Variants in SLC26A5 observed in about 807,000 individuals in gnomAD.
SLC26A5 encodes the protein prestin.
SLC26A5 carries 51 observed loss-of-function variants against 81.0 expected under a neutral mutation model. The ratio of observed to expected loss-of-function variants is 0.63; its 90% CI spans 0.50 to 0.80. The LOEUF (loss-of-function observed/expected upper bound fraction) is 0.80, where lower values mean the gene tolerates loss of function less well. Ranked by LOEUF, SLC26A5 falls within the 30% of genes least tolerant of loss-of-function variation. The pLI is 0.00. For synonymous variants in SLC26A5, 325 were observed against 332.8 expected (o/e 0.98, Z 0.25); for missense variants, 771 against 905.8 (o/e 0.85, Z 1.91).
At chr7:103,372,890 A>AAC (rs1554577211), downstream of SLC26A5, among the ~76,000 whole-genome samples, 69 of 151,872 alleles carry the variant, frequency 4.5e-4, no homozygotes, top group African/African-American at 1.6e-3. Context: ...AAAAAAAAAA[A>AAC]AAAACACTAA....
rs1681647874 is a variant in SLC26A5, at chr7:103,443,070, G to T, written c.-54+13C>A. 1 of 152,210 alleles carries T rather than the reference G, an allele frequency of 6.6e-6. No individual in the cohort carries two copies. The highest frequency in any genetic ancestry group is 6.5e-5 in the Admixed American group (1 of 15,278). 9.4% of individuals were successfully genotyped at this position (152,210 alleles called of 1,614,324 possible). ...CTCTCCTATTTACTAGTTCCAGGGG[G>T]CCGTCTACTTACCCAGATCCAATGT... On this transcript the variant is annotated intron_variant, in intron 2 of 19. Coordinates refer to ENST00000306312, the MANE Select transcript of SLC26A5 (RefSeq NM_198999.3).
At chr7:103,419,460 T>G (rs1825167825) in intron 4 of SLC26A5, among the ~76,000 whole-genome samples, 3 of 152,116 alleles carry the variant, frequency 2.0e-5, no homozygotes, top group Admixed American at 2.0e-4. Context: ...TCACACATGC[T>G]ATTCCTTCTG....
intron 19 of SLC26A5, chr7:103,364,377 G>A: frequency 6.5e-7 from 1 of 1,550,074 alleles, no homozygotes; most frequent in Non-Finnish European, 8.8e-7. Flanking sequence ...ATTAAAAATG[G>A]CACTTCTGCA....
At position 103,405,655 on chromosome 7, in the gene SLC26A5, C is replaced by T. The variant is rs767290693; in HGVS notation, c.888+2196G>A. ...GGAGGTGTCTCCCAGTCAGGAGTTA[C>T]GGGGGTCCCACTTGAGAAGGCAGTC... On this transcript the variant is annotated intron_variant, in intron 8 of 19. Transcript: ENST00000306312. Among the ~76,000 whole-genome samples, 11 of 152,224 alleles carry T rather than the reference C, an allele frequency of 7.2e-5. No homozygotes were observed. The East Asian group carries it at 7.7e-4, about 11-fold the overall frequency.
Position 103,377,459 on chromosome 7 carries a change from T to C in SLC26A5, c.1986+140A>G, listed in dbSNP as rs1290092717. The C allele has an allele frequency of 3.9e-6, 3 of 761,280 alleles. No homozygotes were observed. In the African/African-American group the frequency reaches 5.2e-5, roughly 13 times the overall value. 47.2% of individuals were successfully genotyped at this position (761,280 alleles called of 1,614,324 possible). On this transcript the variant is annotated intron_variant, in intron 18 of 19. Coordinates refer to ENST00000306312, the MANE Select transcript of SLC26A5 (RefSeq NM_198999.3). ...TTCAATATACTAAAATCTTTACTTC[T>C]ATATATTTTTGAAATTTTCCATAAT... is the stretch of plus-strand genomic sequence containing the variant.
intron 2 of SLC26A5, among the ~76,000 whole-genome samples, chr7:103,422,843 G>A (rs1387908978): frequency 1.3e-5 from 2 of 152,140 alleles, no homozygotes; most frequent in Non-Finnish European, 2.9e-5. Flanking sequence ...GCAGGCAGAG[G>A]TTAACATGAA....
Position 103,407,842 on chromosome 7 carries a change from G to A in SLC26A5, c.888+9C>T, listed in dbSNP as rs201613858. The A allele has an allele frequency of 2.5e-6, 4 of 1,613,958 alleles. No individual in the cohort carries two copies. The highest frequency in any genetic ancestry group is 3.4e-6 in the Non-Finnish European group (4 of 1,179,922). On this transcript the variant is annotated intron_variant, in intron 8 of 19. Transcript: ENST00000306312. ...AAGCCGAGTAGGTCACTGACCGAAG[G>A]TGACTTACCGCAAAGAACTCTAAAG...
At chr7:103,431,261 C>T (rs766434983) in intron 2 of SLC26A5, among the ~76,000 whole-genome samples, 18 of 151,996 alleles carry the variant, frequency 1.2e-4, no homozygotes, top group African/African-American at 4.4e-4. Context: ...AAAAGCAATA[C>T]TTTTCCATCC....
At position 103,415,469 on chromosome 7, in the gene SLC26A5, A is replaced by C. The variant is rs141396632; in HGVS notation, c.293-2357T>G. Among the ~76,000 whole-genome samples, 7 of 152,252 alleles carry C rather than the reference A, an allele frequency of 4.6e-5. No individual in the cohort carries two copies. In the East Asian group the frequency reaches 1.2e-3, roughly 25 times the overall value. ...GAGACATTTGGGGATGTCTGGAGAC[A>C]TTTTTGATTATCATGATGTGGGTAC... On this transcript the variant is annotated intron_variant, in intron 4 of 19. Coordinates refer to ENST00000306312, the MANE Select transcript of SLC26A5 (RefSeq NM_198999.3).
In SLC26A5 at chr7:103,374,341, G is replaced by A. The variant is rs934253304; in HGVS notation, c.*58C>T. The stretch of plus-strand genomic sequence containing the variant: ...AAATCTAGCGTCTAGTATTTAAAAC[G>A]TGTAAATTATGAACTTCATGAGAGG... On this transcript the variant is annotated 3_prime_UTR_variant, in exon 20 of 20. Transcript: ENST00000306312. The A allele has an allele frequency of 9.3e-6, 15 of 1,604,814 alleles. No individual in the cohort carries two copies. Among genetic ancestry groups the A allele is most frequent in the Middle Eastern group, 2.3e-4 (1 of 4,418 alleles).
At chr7:103,360,971 G>A (rs930012230) in intron 19 of SLC26A5, among the ~76,000 whole-genome samples, 2 of 151,946 alleles carry the variant, frequency 1.3e-5, no homozygotes, top group Admixed American at 1.3e-4. Context: ...ACAATTAGCC[G>A]GGCGTGCTGG....
At chr7:103,408,676 A>G (rs1824252846) in intron 7 of SLC26A5, among the ~76,000 whole-genome samples, 1 of 152,230 alleles carries the variant, frequency 6.6e-6, no homozygotes, top group African/African-American at 2.4e-5. Flanking sequence ...AGGTAAATAC[A>G]TTGAAAAGCT....
intron 2 of SLC26A5, among the ~76,000 whole-genome samples, chr7:103,427,983 G>A (rs1287272092): frequency 2.6e-5 from 4 of 151,912 alleles, no homozygotes; most frequent in African/African-American, 7.3e-5. Flanking sequence ...TTCCCAAGTA[G>A]CTGGGATTAC....
chr7:103,376,756 G>A (rs1263745181), intron 19 of SLC26A5, 52 bp downstream of exon 19: 12 of 1,232,394 alleles, frequency 9.7e-6, no homozygotes, highest in African/African-American at 1.5e-5. Flanking sequence ...ATTTAAATAA[G>A]AGAAACAAAA....
chr7:103,438,942 C>T (rs1826666183), intron 2 of SLC26A5, among the ~76,000 whole-genome samples: 2 of 152,114 alleles, frequency 1.3e-5, no homozygotes, highest in Admixed American at 1.3e-4. Flanking sequence ...GAAACCAATC[C>T]ACATTTTCAT....
chr7:103,419,915 T>C (rs1825206706), intron 4 of SLC26A5, among the ~76,000 whole-genome samples: 1 of 152,176 alleles, frequency 6.6e-6, no homozygotes, highest in South Asian at 2.1e-4. Flanking sequence ...AATTTTTATA[T>C]GTGCTTTTTT....
chr7:103,386,773 CT>C (rs906913777), intron 14 of SLC26A5, among the ~76,000 whole-genome samples: 3 of 150,038 alleles, frequency 2.0e-5, no homozygotes, highest in African/African-American at 4.9e-5. Flanking sequence ...TTTTCTTTTT[CT>C]TTTTTTTGAG....
At chr7:103,408,370 G>A (rs1032728963) in intron 7 of SLC26A5, among the ~76,000 whole-genome samples, 38 of 152,046 alleles carry the variant, frequency 2.5e-4, no homozygotes, top group Admixed American at 7.9e-4. Context: ...GGGATTACAG[G>A]TGCCTGCCGC....
intron 4 of SLC26A5, 23 bp from the exon 5 acceptor site, chr7:103,413,135 G>A: frequency 6.9e-7 from 1 of 1,446,184 alleles, no homozygotes; most frequent in Non-Finnish European, 9.7e-7. Context: ...AAACCAAACA[G>A]AAATGGGGGA....
Sources: gnomAD v4.1 joint callset for allele counts (sites outside exome capture counted in the v4.1 genomes callset) on GRCh38, gnomAD v4.1.1 for gene constraint, MANE v1.5 for transcripts, NCBI Gene and HGNC (gene_info 2026-07-23, HGNC 2026-07-21) for gene names.